CLVS1: variants seen among roughly 807,000 people sequenced by gnomAD.
CLVS1 encodes clavesin-1.
CLVS1 carries 10 observed loss-of-function variants against 33.1 expected under a neutral mutation model. The observed-to-expected ratio is 0.30, with a 90% CI of 0.19 to 0.51. The LOEUF (loss-of-function observed/expected upper bound fraction) is 0.51. Ranked by LOEUF, CLVS1 falls within the 20% of genes least tolerant of loss-of-function variation. The pLI, the probability that CLVS1 is intolerant of heterozygous loss-of-function variation, is 0.97. For missense variants in CLVS1, 343 were observed against 433.4 expected (o/e 0.79, Z 1.85); for synonymous variants, 163 against 166.1 (o/e 0.98, Z 0.14).
chr8:61,191,514 G>T (rs13268939), intron 2 of CLVS1, among the ~76,000 whole-genome samples: 79,700 of 151,992 alleles, frequency 0.52, 21,641 homozygotes, highest in Middle Eastern at 0.68. Context: ...AGTGTTGAAA[G>T]TTCTGGCCAG....
At chr8:61,037,416 G>A in the CLVS1 span, among the ~76,000 whole-genome samples, 12 of 152,240 alleles carry the variant, frequency 7.9e-5, 1 homozygote, top group Admixed American at 2.0e-4. Context: ...ATTTTGCTTA[G>A]CATAATGTCC....
intron 3 of CLVS1, among the ~76,000 whole-genome samples, chr8:61,383,870 AG>A (rs1354151539): frequency 6.6e-6 from 1 of 152,250 alleles, no homozygotes; most frequent in Non-Finnish European, 1.5e-5. Context: ...TGTTACTTCC[AG>A]CCAGTCACAA....
intron 2 of CLVS1, among the ~76,000 whole-genome samples, chr8:61,211,345 C>T (rs375839248): frequency 7.5e-4 from 113 of 151,672 alleles, no homozygotes; most frequent in South Asian, 1.5e-3. Flanking sequence ...CCTCTCCCTC[C>T]TTCTTCTCTT....
At chr8:61,173,405 C>T (rs1337486812) in intron 2 of CLVS1, among the ~76,000 whole-genome samples, 2 of 152,000 alleles carry the variant, frequency 1.3e-5, no homozygotes, top group Admixed American at 6.6e-5. Context: ...TTGGTTTGTT[C>T]TTGTTTCTCT....
At chr8:61,023,646 G>A in the CLVS1 span, among the ~76,000 whole-genome samples, 998 of 152,322 alleles carry the variant, frequency 6.6e-3, 10 homozygotes, top group African/African-American at 0.02. Flanking sequence ...CATCCGCAGC[G>A]CTCGTGGCGG....
chr8:61,410,787 G>C (rs4737586), intron 3 of CLVS1, among the ~76,000 whole-genome samples: 7 of 151,412 alleles, frequency 4.6e-5, no homozygotes, highest in African/African-American at 1.7e-4. Context: ...GACTACAGGC[G>C]TGAACCACCA....
intron 2 of CLVS1, among the ~76,000 whole-genome samples, chr8:61,228,081 A>C (rs1179072403): frequency 6.6e-6 from 1 of 152,266 alleles, no homozygotes; most frequent in East Asian, 1.9e-4. Context: ...ACTTTTTCTG[A>C]GAAAGCCTGT....
intron 2 of CLVS1, among the ~76,000 whole-genome samples, chr8:61,356,005 A>G (rs113169347): frequency 2.1e-4 from 32 of 152,276 alleles, no homozygotes; most frequent in African/African-American, 6.5e-4. Context: ...TTCCACAATG[A>G]TTGAACTAGT....
chr8:61,062,713 A>G (rs1374569390), intron 1 of CLVS1, among the ~76,000 whole-genome samples: 1 of 152,198 alleles, frequency 6.6e-6, no homozygotes, highest in Non-Finnish European at 1.5e-5. Context: ...TGACTGCATT[A>G]TGGTCCACGG....
At chr8:61,278,988 G>A (rs919473055) in intron 2 of CLVS1, among the ~76,000 whole-genome samples, 4 of 152,330 alleles carry the variant, frequency 2.6e-5, no homozygotes, top group South Asian at 2.1e-4. Flanking sequence ...GCATAGAACC[G>A]TTACCAGAGA....
chr8:61,007,630 G>A, the CLVS1 span, among the ~76,000 whole-genome samples: 2 of 152,284 alleles, frequency 1.3e-5, no homozygotes, highest in African/African-American at 4.8e-5. Context: ...GTGATGCTCT[G>A]TAAGGTCATC....
chr8:61,043,144 C>T, the CLVS1 span, among the ~76,000 whole-genome samples: 1 of 152,164 alleles, frequency 6.6e-6, no homozygotes, highest in Non-Finnish European at 1.5e-5. Flanking sequence ...GGTGGGTCTC[C>T]CAGGTCCGCA....
chr8:61,478,289 T>C (rs1244687429), intron 5 of CLVS1, among the ~76,000 whole-genome samples: 1 of 152,230 alleles, frequency 6.6e-6, no homozygotes, highest in East Asian at 1.9e-4. Flanking sequence ...AGAATGTATA[T>C]TCTGTTGATT....
At chr8:61,125,709 G>T (rs1805956486) in intron 1 of CLVS1, among the ~76,000 whole-genome samples, 1 of 152,160 alleles carries the variant, frequency 6.6e-6, no homozygotes, top group South Asian at 2.1e-4. Flanking sequence ...TTATTTCAGG[G>T]TCAGAGCAAG....
chr8:61,310,019 A>G (rs1810779043), intron 2 of CLVS1, among the ~76,000 whole-genome samples: 1 of 152,216 alleles, frequency 6.6e-6, no homozygotes, highest in South Asian at 2.1e-4. Flanking sequence ...TAATGTATCC[A>G]TGGTGAATAT....
At chr8:61,321,373 G>C (rs1196998416) in intron 2 of CLVS1, among the ~76,000 whole-genome samples, 1 of 151,476 alleles carries the variant, frequency 6.6e-6, no homozygotes, top group Admixed American at 6.6e-5. Context: ...ATTTTGATGT[G>C]GATTTTTTTT....
the CLVS1 span, among the ~76,000 whole-genome samples, chr8:60,995,303 A>C: frequency 1.1e-4 from 17 of 152,142 alleles, no homozygotes; most frequent in East Asian, 1.4e-3. Context: ...ATGAACTCAA[A>C]CAAATTTACA....
the CLVS1 span, among the ~76,000 whole-genome samples, chr8:60,985,890 C>T: frequency 6.6e-6 from 1 of 151,742 alleles, no homozygotes; most frequent in African/African-American, 2.4e-5. Context: ...AGCCTTTATC[C>T]GGCATACAAT....
chr8:61,166,345 T>A (rs6471932), intron 2 of CLVS1, among the ~76,000 whole-genome samples: 136,592 of 151,934 alleles, frequency 0.9, 61,825 homozygotes, highest in African/African-American at 0.98. Context: ...CCACAATTTT[T>A]TTGGTCTCAA....
Sources: gnomAD v4.1 joint callset for allele counts (sites outside exome capture counted in the v4.1 genomes callset) on GRCh38, gnomAD v4.1.1 for gene constraint, MANE v1.5 for transcripts, NCBI Gene and HGNC (gene_info 2026-07-23, HGNC 2026-07-21) for gene names.